The following ARL15 variants were observed in gnomAD, a reference collection of about 807,000 sequenced individuals.
ARL15 encodes ARF like GTPase 15.
In ARL15, 19 loss-of-function variants were observed where a neutral mutation model predicts 25.2. That is an observed-to-expected ratio of 0.75 (90% confidence interval 0.53 to 1.10). ARL15 has a LOEUF of 1.10. ARL15 is among the 50% of genes least tolerant of loss of function. The pLI is 0.00. For missense variants in ARL15, 220 were observed against 246.0 expected (o/e 0.89, Z 0.71); for synonymous variants, 94 against 86.8 (o/e 1.08, Z -0.46).
At chr5:54,224,390 T>C (rs1315237486) in intron 1 of ARL15, among the ~76,000 whole-genome samples, 1 of 152,192 alleles carries the variant, frequency 6.6e-6, no homozygotes, top group East Asian at 1.9e-4. Context: ...GGATTTAATC[T>C]TGAAGAATCC....
intron 1 of ARL15, among the ~76,000 whole-genome samples, chr5:54,297,622 TTTCCCTCCCC>T: frequency 6.6e-6 from 1 of 152,248 alleles, no homozygotes; most frequent in Admixed American, 6.5e-5. Context: ...AATTTTTAGT[TTTCCCTCCCC>T]TTGGAGAGTC....
Position 54,007,720 on chromosome 5 carries a change from T to G in ARL15, c.462+105482A>C, listed in dbSNP as rs186227338. 5.2e-3 allele frequency among the ~76,000 whole-genome samples: 786 copies of G among 152,294 alleles called. 3 individuals carry two copies. The highest frequency in any genetic ancestry group is 0.011 in the Admixed American group (166 of 15,294). On this transcript the variant is annotated intron_variant, in intron 4 of 4. Coordinates refer to ENST00000504924, the MANE Select transcript of ARL15 (RefSeq NM_019087.3). ...AGCATAGGAGCACAATATTGACATGTTAACAAACTGATCATTGCTGCCTCT... is the reference window on the plus strand; with the variant it reads ...AGCATAGGAGCACAATATTGACATGGTAACAAACTGATCATTGCTGCCTCT...
chr5:54,127,462 G>T (rs1241700320), intron 3 of ARL15, among the ~76,000 whole-genome samples: 5 of 151,680 alleles, frequency 3.3e-5, no homozygotes, highest in African/African-American at 1.2e-4. Flanking sequence ...AACTTACAAG[G>T]GATGTGAAGG....
chr5:54,028,767 T>C (rs1579715776), intron 4 of ARL15, among the ~76,000 whole-genome samples: 1 of 152,226 alleles, frequency 6.6e-6, no homozygotes, highest in East Asian at 1.9e-4. Context: ...ATCCCAGCAT[T>C]TTGGGAGGCC....
intron 4 of ARL15, among the ~76,000 whole-genome samples, chr5:54,087,089 C>G (rs1051832170): frequency 6.6e-6 from 1 of 152,094 alleles, no homozygotes; most frequent in Non-Finnish European, 1.5e-5. Flanking sequence ...GTAATCGCAG[C>G]ACTTTGAGAG....
At chr5:54,240,440 A>G (rs954392464) in intron 1 of ARL15, among the ~76,000 whole-genome samples, 1 of 152,124 alleles carries the variant, frequency 6.6e-6, no homozygotes, top group Non-Finnish European at 1.5e-5. Flanking sequence ...GTCCCACTGT[A>G]AGGTACATCA....
chr5:54,228,041 C>T (rs919143393), intron 1 of ARL15, among the ~76,000 whole-genome samples: 1 of 152,138 alleles, frequency 6.6e-6, no homozygotes, highest in Non-Finnish European at 1.5e-5. Context: ...AAACTTGGGA[C>T]TTGTATGTCT....
At chr5:54,053,630 T>C (rs1281699205) in intron 4 of ARL15, among the ~76,000 whole-genome samples, 1 of 152,230 alleles carries the variant, frequency 6.6e-6, no homozygotes, top group African/African-American at 2.4e-5. Flanking sequence ...TGATATGATG[T>C]GATGTGGCAC....
intron 4 of ARL15, among the ~76,000 whole-genome samples, chr5:54,104,836 G>A (rs1172288047): frequency 6.6e-6 from 1 of 151,904 alleles, no homozygotes; most frequent in Non-Finnish European, 1.5e-5. Flanking sequence ...CTGCATTACA[G>A]AATCAAGAGG....
intron 4 of ARL15, among the ~76,000 whole-genome samples, chr5:54,097,454 C>T (rs1752323122): frequency 6.6e-6 from 1 of 152,172 alleles, no homozygotes; most frequent in African/African-American, 2.4e-5. Flanking sequence ...AAGAAGCTGG[C>T]ACTACCAAAT....
chr5:53,919,175 T>C lies in ARL15; in HGVS notation c.463-32462A>G, dbSNP rs76982257. Among the ~76,000 whole-genome samples the C allele has an allele frequency of 4.2e-3, 636 of 152,290 alleles. 3 individuals carry two copies. The highest frequency in any genetic ancestry group is 7.5e-3 in the Admixed American group (114 of 15,296). On this transcript the variant is annotated intron_variant, in intron 4 of 4. Coordinates refer to ENST00000504924, the MANE Select transcript of ARL15 (RefSeq NM_019087.3). ...ACCATATTGCAAAGATCAGCAGTCA[T>C]ACAGTTTTCCTTAACAAATTCAAAT...
At chr5:54,279,331 T>C (rs1757997743) in intron 1 of ARL15, among the ~76,000 whole-genome samples, 1 of 152,168 alleles carries the variant, frequency 6.6e-6, no homozygotes, top group African/African-American at 2.4e-5. Flanking sequence ...AACAGAAATT[T>C]ATTTTCTCAC....
intron 1 of ARL15, among the ~76,000 whole-genome samples, chr5:54,225,369 G>C (rs1272209722): frequency 1.3e-5 from 2 of 152,160 alleles, no homozygotes; most frequent in Non-Finnish European, 2.9e-5. Context: ...TGCTGGAGTG[G>C]ATAACTATGT....
intron 4 of ARL15, among the ~76,000 whole-genome samples, chr5:54,101,601 T>G (rs1408787709): frequency 4.6e-5 from 7 of 152,082 alleles, no homozygotes; most frequent in African/African-American, 1.7e-4. Flanking sequence ...GTTTAAAAGA[T>G]TTAACAATAT....
At chr5:54,253,814 T>G (rs1757300390) in intron 1 of ARL15, among the ~76,000 whole-genome samples, 1 of 152,118 alleles carries the variant, frequency 6.6e-6, no homozygotes, top group African/African-American at 2.4e-5. Context: ...GGTCTCAAAC[T>G]CCTGTGCTCA....
At chr5:54,258,748 C>T (rs937045009) in intron 1 of ARL15, among the ~76,000 whole-genome samples, 1 of 152,138 alleles carries the variant, frequency 6.6e-6, no homozygotes, top group African/African-American at 2.4e-5. Context: ...AAAACAGATT[C>T]TCCCTAAGAT....
intron 4 of ARL15, among the ~76,000 whole-genome samples, chr5:54,029,765 G>C (rs375131528): frequency 2.0e-5 from 3 of 152,048 alleles, no homozygotes; most frequent in African/African-American, 7.2e-5. Flanking sequence ...AGGCTGAGGC[G>C]GGCAGATCAC....
intron 3 of ARL15, among the ~76,000 whole-genome samples, chr5:54,120,577 G>A (rs1207748442): frequency 1.3e-5 from 2 of 152,118 alleles, no homozygotes; most frequent in Admixed American, 6.6e-5. Context: ...GTTCCCTTCC[G>A]TACTCCTGCA....
chr5:53,986,214 G>A (rs989291859), intron 4 of ARL15, among the ~76,000 whole-genome samples: 2 of 152,080 alleles, frequency 1.3e-5, no homozygotes, highest in African/African-American at 4.8e-5. Flanking sequence ...CCTATGTTCT[G>A]TCATTCTTTC....
Sources: allele counts gnomAD v4.1 joint callset (sites outside exome capture counted in the v4.1 genomes callset), GRCh38; gene constraint gnomAD v4.1.1; transcripts MANE v1.5; gene names NCBI Gene and HGNC (gene_info 2026-07-23, HGNC 2026-07-21).